Variants in USP24 observed in about 807,000 individuals in gnomAD.
USP24 encodes ubiquitin specific peptidase 24.
USP24 carries 97 observed loss-of-function variants against 361.6 expected under a neutral mutation model. The observed-to-expected ratio is 0.27, with a 90% CI of 0.23 to 0.32. USP24 has a LOEUF of 0.32. USP24 is among the 10% of genes least tolerant of loss of function. The probability of loss-of-function intolerance (pLI) is 1.00; values close to 1 mark genes in which losing one functional copy is unlikely to be tolerated. For missense variants in USP24, 2,353 were observed against 3,165.6 expected, an observed-to-expected ratio of 0.74 and a Z score of 6.16; for synonymous variants, 1,098 against 1,124.6, an observed-to-expected ratio of 0.98 and a Z score of 0.47.
chr1:55,196,188 G>T (rs1340063664), intron 1 of USP24, among the ~76,000 whole-genome samples: 1 of 151,862 alleles, frequency 6.6e-6, no homozygotes, highest in African/African-American at 2.4e-5. Flanking sequence ...TTCTCATTTG[G>T]TTCCTCACCC....
chr1:55,171,770 C>A, intron 4 of USP24, 92 bp from the exon 5 acceptor site: 1 of 1,361,834 alleles, frequency 7.3e-7, no homozygotes, highest in Non-Finnish European at 1.0e-6. Context: ...TAGCCTTTGA[C>A]TCCCCTCATT....
At chr1:55,200,527 C>T (rs1162248405) in intron 1 of USP24, among the ~76,000 whole-genome samples, 1 of 152,114 alleles carries the variant, frequency 6.6e-6, no homozygotes, top group Non-Finnish European at 1.5e-5. Flanking sequence ...TCCCACTCCA[C>T]ATACTTTTTT....
At chr1:55,087,406 G>C (rs1203136442) in intron 55 of USP24, among the ~76,000 whole-genome samples, 1 of 152,214 alleles carries the variant, frequency 6.6e-6, no homozygotes, top group Non-Finnish European at 1.5e-5. Flanking sequence ...AAGCAAGTCT[G>C]CTTGGACATA....
At chr1:55,074,702 T>C (rs776082274) in intron 63 of USP24, among the ~76,000 whole-genome samples, 6 of 151,800 alleles carry the variant, frequency 4.0e-5, no homozygotes, top group Non-Finnish European at 8.8e-5. Flanking sequence ...TAATACTTGG[T>C]CCTGCTCTTG....
intron 1 of USP24, 50 bp from the exon 2 acceptor site, chr1:55,178,182 A>G: frequency 6.5e-7 from 1 of 1,544,564 alleles, no homozygotes; most frequent in South Asian, 1.2e-5. Context: ...ATTAGTGATT[A>G]CTCTAAAAAT....
rs1233065090 is a variant in USP24 at position 55,083,790 on chromosome 1, G to A, written c.6864C>T (p.Phe2288=). 6.3e-7 allele frequency: 1 copy of A among 1,594,394 alleles called. No individual in the cohort carries two copies. The change falls in exon 57 of 68, where the codon TTC becomes TTT. Residue 2288 remains phenylalanine, a synonymous_variant. Transcript: ENST00000294383. ...CKNCAQYFFL[F]NTFVQKQGIR... is the part of the protein sequence containing the mutation. ...TATTTACCTTTTGTACAAAAGTGTT[G>A]AACAGGAAAAAGTACTGAGCACAGT...
chr1:55,208,778 A>T (rs1465179312), intron 1 of USP24, among the ~76,000 whole-genome samples: 1 of 151,956 alleles, frequency 6.6e-6, no homozygotes, highest in African/African-American at 2.4e-5. Context: ...TCTACTAAAA[A>T]TACAAAAATT....
chr1:55,069,900 A>AT (rs1261456305), intron 67 of USP24, among the ~76,000 whole-genome samples: 47 of 113,980 alleles, frequency 4.1e-4, no homozygotes, highest in African/African-American at 1.5e-3. Context: ...AAAAAAAAAA[A>AT]TCAGAAAATG....
At chr1:55,119,138 T>C (rs576456326) in intron 38 of USP24, among the ~76,000 whole-genome samples, 1 of 152,346 alleles carries the variant, frequency 6.6e-6, no homozygotes, top group African/African-American at 2.4e-5. Context: ...TGTAGCTGCA[T>C]TCACAACGGC....
At chr1:55,174,240 T>C (rs537646897) in intron 3 of USP24, among the ~76,000 whole-genome samples, 1 of 152,176 alleles carries the variant, frequency 6.6e-6, no homozygotes, top group South Asian at 2.1e-4. Context: ...GAGAAAAGCC[T>C]GGGGAATTGG....
intron 3 of USP24, 67 bp downstream of exon 3, chr1:55,176,309 C>G: frequency 2.3e-5 from 31 of 1,355,488 alleles, no homozygotes; most frequent in Middle Eastern, 1.8e-4. Context: ...AAACAAAAAG[C>G]TTCTCTTCCT....
rs184199635 is a variant in USP24, at chr1:55,089,063, C to T, written c.6668+564G>A. 3.8e-3 allele frequency among the ~76,000 whole-genome samples: 583 copies of T among 152,094 alleles called. 5 individuals carry two copies. The highest frequency in any genetic ancestry group is 0.013 in the African/African-American group (543 of 41,492). ...AAGTAGCTATAGGTGCCCACAACCA[C>T]GCCCGGCTAATTTTTTGTATTTTTA... On this transcript the variant is annotated intron_variant, in intron 55 of 67. Transcript: ENST00000294383.
chr1:55,209,598 A>G (rs1263506955), intron 1 of USP24, among the ~76,000 whole-genome samples: 1 of 152,210 alleles, frequency 6.6e-6, no homozygotes, highest in Non-Finnish European at 1.5e-5. Context: ...TTTGATAGGA[A>G]ACCTAATATT....
intron 10 of USP24, among the ~76,000 whole-genome samples, chr1:55,158,025 C>T (rs566804769): frequency 1.1e-4 from 16 of 152,158 alleles, no homozygotes; most frequent in Non-Finnish European, 1.5e-4. Context: ...AGTCCCTCTC[C>T]GGTGATGGGA....
At chr1:55,151,875 G>A in intron 16 of USP24, 7 of 983,950 alleles carry the variant, frequency 7.1e-6, no homozygotes, top group Non-Finnish European at 8.5e-6. Flanking sequence ...GTAGCTGAGG[G>A]TGGGAGGGGA....
intron 30 of USP24, among the ~76,000 whole-genome samples, chr1:55,132,994 TG>T (rs1464632543): frequency 1.3e-5 from 2 of 152,224 alleles, no homozygotes; most frequent in African/African-American, 4.8e-5. Flanking sequence ...GTTTAAAATT[TG>T]TATCTCTAAA....
At chr1:55,198,365 C>T (rs901929647) in intron 1 of USP24, among the ~76,000 whole-genome samples, 2 of 152,002 alleles carry the variant, frequency 1.3e-5, no homozygotes, top group African/African-American at 4.8e-5. Context: ...AGGATGAAGT[C>T]GGAGAGAATG....
intron 1 of USP24, among the ~76,000 whole-genome samples, chr1:55,211,552 G>T (rs1025420742): frequency 2.6e-5 from 4 of 152,172 alleles, no homozygotes; most frequent in African/African-American, 9.7e-5. Flanking sequence ...AGCTTTCACT[G>T]TTCAAATATT....
At chr1:55,152,509 GA>G (rs1041526616) in intron 16 of USP24, among the ~76,000 whole-genome samples, 1 of 152,178 alleles carries the variant, frequency 6.6e-6, no homozygotes, top group African/African-American at 2.4e-5. Context: ...CTGTTGCTGA[GA>G]AGACAAGACC....
Sources: allele counts gnomAD v4.1 joint callset (sites outside exome capture counted in the v4.1 genomes callset), GRCh38; gene constraint gnomAD v4.1.1; transcripts MANE v1.5; gene names NCBI Gene and HGNC (gene_info 2026-07-23, HGNC 2026-07-21).